The following WDR76 variants were observed in gnomAD, a reference collection of about 807,000 sequenced individuals.
WDR76 encodes WD repeat-containing protein 76.
A neutral mutation model predicts 70.2 loss-of-function variants in WDR76; 52 were observed. That is an observed-to-expected ratio of 0.74 (90% CI 0.59 to 0.93). The LOEUF (loss-of-function observed/expected upper bound fraction) is 0.93. Ranked by LOEUF, WDR76 falls within the 40% of genes least tolerant of loss-of-function variation. The probability of loss-of-function intolerance (pLI) is 0.00; values close to 1 mark genes in which losing one functional copy is unlikely to be tolerated. For missense variants in WDR76, 756 were observed against 760.2 expected, an observed-to-expected ratio of 0.99 and a Z score of 0.07; for synonymous variants, 292 against 271.1, an observed-to-expected ratio of 1.08 and a Z score of -0.76.
At chr15:43,862,091 C>T (rs1423732319) in intron 12 of WDR76, among the ~76,000 whole-genome samples, 2 of 151,936 alleles carry the variant, frequency 1.3e-5, no homozygotes, top group Non-Finnish European at 2.9e-5. Flanking sequence ...CCGCCTCGGC[C>T]TCCCAAAGTG....
At chr15:43,855,719 C>T (rs762595331) in intron 9 of WDR76, among the ~76,000 whole-genome samples, 47 of 152,078 alleles carry the variant, frequency 3.1e-4, no homozygotes, top group African/African-American at 9.4e-4. Flanking sequence ...CATGGTGGCA[C>T]GCACCAGTAA....
At position 43,842,449 on chromosome 15, in the gene WDR76, C is replaced by T. The variant is rs370102487; in HGVS notation, c.767C>T (p.Ser256Phe). Residue 256 changes from serine (S) to phenylalanine (F), a missense_variant, in exon 6 of 13, where the codon TCT (serine) becomes TTT (phenylalanine). Transcript: ENST00000263795. The part of the protein sequence containing the change: ...LLPPGPLEMT[S>F]ENQEDNNERF... ...CCTCCTGGGCCTTTAGAAATGACTTCTGAAAATCAAGAAGACAACAATGAA... is the reference window on the plus strand; with the variant it reads ...CCTCCTGGGCCTTTAGAAATGACTTTTGAAAATCAAGAAGACAACAATGAA... 9.9e-6 allele frequency: 16 copies of T among 1,613,872 alleles called. No homozygotes were observed. The highest frequency in any genetic ancestry group is 4.0e-5 in the African/African-American group (3 of 74,892).
chr15:43,866,646 G>A lies in WDR76; in HGVS notation c.*254G>A. 2.8e-6 allele frequency: 1 copy of A among 358,232 alleles called. No homozygotes were observed. Among genetic ancestry groups the A allele is most frequent in the Admixed American group, 5.6e-5 (1 of 17,934 alleles). 22.2% of individuals were successfully genotyped at this position (358,232 alleles called of 1,614,324 possible). A position where few individuals can be genotyped will look rare whatever the true frequency, so the allele number is the denominator to read the frequency against. ...ACTTTTTTTTTTTTTTTTTTTTTGA[G>A]ATGGAGTTTTGCTCTTGTTGCCCAG... On this transcript the variant is annotated 3_prime_UTR_variant, in exon 13 of 13. Transcript: ENST00000263795.
chr15:43,855,212 A>G (rs2087913715), intron 9 of WDR76, among the ~76,000 whole-genome samples: 1 of 152,236 alleles, frequency 6.6e-6, no homozygotes, highest in South Asian at 2.1e-4. Context: ...ACCACTGACT[A>G]AACAGTTACC....
chr15:43,842,812 A>T (rs1043196026), intron 7 of WDR76, 141 bp downstream of exon 7: 1 of 743,154 alleles, frequency 1.3e-6, no homozygotes, highest in Non-Finnish European at 2.2e-6. Context: ...TTTCCTCACA[A>T]GTGTTGCCAT....
intron 8 of WDR76, 61 bp from the exon 9 acceptor site, chr15:43,851,026 C>CA (rs1289457402): frequency 1.3e-6 from 2 of 1,585,992 alleles, no homozygotes; most frequent in Non-Finnish European, 1.7e-6. Context: ...AATAGCATAG[C>CA]AAAAATCACT....
At position 43,836,113 on chromosome 15, in the gene WDR76, G is replaced by A. The variant is rs369625690; in HGVS notation, c.553-48G>A. The stretch of plus-strand genomic sequence containing the variant: ...TAGCAGATGCTTAATATTTTAAAAG[G>A]TAAGATACGTAGTTATAACATTTTT... On this transcript the variant is annotated intron_variant, in intron 3 of 12. Coordinates refer to ENST00000263795, the MANE Select transcript of WDR76 (RefSeq NM_024908.4). 7.2e-4 allele frequency: 1,106 copies of A among 1,545,680 alleles called. 1 individual carries two copies. The highest frequency in any genetic ancestry group is 8.6e-4 in the Non-Finnish European group (974 of 1,136,840).
At chr15:43,859,866 G>A (rs571042104) in intron 11 of WDR76, among the ~76,000 whole-genome samples, 261 of 152,322 alleles carry the variant, frequency 1.7e-3, no homozygotes, top group African/African-American at 5.9e-3. Context: ...TAGGCACAAG[G>A]AGAAGAGAAG....
At chr15:43,837,233 T>G (rs2087668505) in intron 4 of WDR76, among the ~76,000 whole-genome samples, 1 of 152,220 alleles carries the variant, frequency 6.6e-6, no homozygotes, top group South Asian at 2.1e-4. Flanking sequence ...TGCCAGTTCC[T>G]AATGAAATGT....
chr15:43,844,797 A>G (rs1252657982), intron 8 of WDR76, among the ~76,000 whole-genome samples: 1 of 149,442 alleles, frequency 6.7e-6, no homozygotes, highest in Non-Finnish European at 1.5e-5. Flanking sequence ...GCGTGGTGGC[A>G]GGTGCCTGTA....
rs143002550 is a variant in WDR76, at chr15:43,851,188, A to C, written c.1134A>C (p.Ser378=). The C allele has an allele frequency of 1.2e-6, 2 of 1,613,996 alleles. No individual in the cohort carries two copies. Among genetic ancestry groups the C allele is most frequent in the African/African-American group, 2.7e-5 (2 of 74,898 alleles). ...FSPANPAHIL[S]LSYDGTLRCG... is the part of the protein sequence containing the mutation. The stretch of plus-strand genomic sequence containing the variant: ...CCGCCAATCCGGCCCACATACTGTC[A>C]CTGAGCTATGATGGCACGTTACGCT... The change falls in exon 9 of 13, where the codon TCA becomes TCC. Residue 378 remains serine, a synonymous_variant. Transcript: ENST00000263795.
chr15:43,858,935 T>C (rs979366832), intron 11 of WDR76, 112 bp downstream of exon 11: 15 of 1,347,432 alleles, frequency 1.1e-5, no homozygotes, highest in African/African-American at 8.8e-5. Context: ...GCTAGTGTTA[T>C]TGTTTAGTAG....
At chr15:43,827,191 G>A (rs1160067270) in intron 1 of WDR76, 99 bp downstream of exon 1, 5 of 1,462,380 alleles carry the variant, frequency 3.4e-6, no homozygotes, top group South Asian at 1.2e-5. Context: ...ACCTGGCACC[G>A]GGGGTAGGCG....
chr15:43,832,443 G>A (rs74675264), intron 2 of WDR76, among the ~76,000 whole-genome samples: 1 of 144,986 alleles, frequency 6.9e-6, no homozygotes, highest in Non-Finnish European at 1.5e-5. Flanking sequence ...TTTTTTTTTT[G>A]TTTTTTTGTT....
chr15:43,830,301 G>A (rs1325871461), intron 2 of WDR76, among the ~76,000 whole-genome samples: 1 of 151,938 alleles, frequency 6.6e-6, no homozygotes, highest in Non-Finnish European at 1.5e-5. Context: ...GGTGGCTCAC[G>A]CCTGTAATCC....
At chr15:43,841,676 T>C (rs1217437381) in intron 5 of WDR76, among the ~76,000 whole-genome samples, 1 of 152,090 alleles carries the variant, frequency 6.6e-6, no homozygotes, top group Non-Finnish European at 1.5e-5. Flanking sequence ...TACAACAAAT[T>C]GCTAGTTGTG....
intron 11 of WDR76, among the ~76,000 whole-genome samples, chr15:43,860,101 C>G (rs1236520188): frequency 6.6e-6 from 1 of 152,116 alleles, no homozygotes; most frequent in East Asian, 1.9e-4. Context: ...AAAAATTAGC[C>G]AGATATGGTA....
At chr15:43,830,279 G>A (rs1263702799) in intron 2 of WDR76, among the ~76,000 whole-genome samples, 2 of 152,034 alleles carry the variant, frequency 1.3e-5, no homozygotes, top group Non-Finnish European at 2.9e-5. Flanking sequence ...AGATTCTGAA[G>A]AAGTCAGGCT....
At chr15:43,850,520 C>T (rs1424652886) in intron 8 of WDR76, among the ~76,000 whole-genome samples, 2 of 151,980 alleles carry the variant, frequency 1.3e-5, no homozygotes, top group Admixed American at 1.3e-4. Flanking sequence ...TGGTCTCGAT[C>T]TCCTGACCTC....
Sources: gnomAD v4.1 joint callset for allele counts (sites outside exome capture counted in the v4.1 genomes callset) on GRCh38, gnomAD v4.1.1 for gene constraint, MANE v1.5 for transcripts, NCBI Gene and HGNC (gene_info 2026-07-23, HGNC 2026-07-21) for gene names.